Variants in OTUD7A observed in about 807,000 individuals in gnomAD.
OTUD7A encodes OTU domain-containing protein 7A.
A neutral mutation model predicts 65.7 loss-of-function variants in OTUD7A; 12 were observed. The ratio of observed to expected loss-of-function variants is 0.18; its 90% CI spans 0.12 to 0.30. The LOEUF (loss-of-function observed/expected upper bound fraction) is 0.30, where lower values mean the gene tolerates loss of function less well. OTUD7A is among the 10% of genes least tolerant of loss of function. The pLI is 1.00. For synonymous variants in OTUD7A, 641 were observed against 586.3 expected (o/e 1.09, Z -1.35); for missense variants, 1,148 against 1,304.8 (o/e 0.88, Z 1.85).
In OTUD7A at chr15:31,626,916, G is replaced by GGT. The variant is rs71113404; in HGVS notation, c.151+28179_151+28180insAC. On this transcript the variant is annotated intron_variant, in intron 3 of 12. Transcript: ENST00000307050. The stretch of plus-strand genomic sequence containing the variant: ...TTTGTTTTGTTTTTTTGTTTTTATG[G>GGT]TTTCTTTTTTACACCTTAAAGATTA... Among the ~76,000 whole-genome samples, 222 of 146,788 alleles carry GGT rather than the reference G, an allele frequency of 1.5e-3. 1 individual carries two copies. Among genetic ancestry groups the GGT allele is most frequent in the African/African-American group, 4.5e-3 (177 of 39,074 alleles).
At chr15:31,625,229 A>G (rs139768964) in intron 3 of OTUD7A, among the ~76,000 whole-genome samples, 220 of 152,304 alleles carry the variant, frequency 1.4e-3, no homozygotes, top group African/African-American at 5.0e-3. Context: ...AGCCCCAGCT[A>G]GACTGTAGCC....
chr15:31,551,343 C>A (rs943830748), intron 5 of OTUD7A, among the ~76,000 whole-genome samples: 1 of 152,212 alleles, frequency 6.6e-6, no homozygotes, highest in Non-Finnish European at 1.5e-5. Context: ...CTATTCCTGG[C>A]TTTGACAGAG....
At chr15:31,743,006 T>G (rs1894384140) in intron 1 of OTUD7A, among the ~76,000 whole-genome samples, 1 of 152,100 alleles carries the variant, frequency 6.6e-6, no homozygotes, top group African/African-American at 2.4e-5. Flanking sequence ...ATAACCATAG[T>G]GGATGATTTT....
intron 12 of OTUD7A, among the ~76,000 whole-genome samples, chr15:31,485,346 G>C (rs536329770): frequency 6.6e-6 from 1 of 152,220 alleles, no homozygotes; most frequent in African/African-American, 2.4e-5. Flanking sequence ...TTGATTCAGG[G>C]ATGCCAAATC....
At chr15:31,796,165 GTATC>G (rs1201230960) in intron 1 of OTUD7A, among the ~76,000 whole-genome samples, 26 of 148,012 alleles carry the variant, frequency 1.8e-4, no homozygotes, top group Non-Finnish European at 3.0e-5. Flanking sequence ...GTGTGTGTGT[GTATC>G]TATGTATGTA....
rs1410986717 is a variant in OTUD7A, at chr15:31,498,995, G to A, written c.1171+2695C>T. ...CGGCATCAGCAGTAGCCGGGCCACG[G>A]CAGTAGCACCTATAAGAGGGGGCTT... On this transcript the variant is annotated intron_variant, in intron 10 of 12. Transcript: ENST00000307050. This position sits in a 1 kb window ranked among gnomAD's most constrained non-coding sequence, Gnocchi z 4.2. 1.3e-5 allele frequency among the ~76,000 whole-genome samples: 2 copies of A among 152,140 alleles called. No individual in the cohort carries two copies. Among genetic ancestry groups the A allele is most frequent in the African/African-American group, 4.8e-5 (2 of 41,432 alleles).
chr15:31,539,298 A>G (rs34152648), intron 5 of OTUD7A, among the ~76,000 whole-genome samples: 1,769 of 152,164 alleles, frequency 0.012, 12 homozygotes, highest in Non-Finnish European at 0.018. Context: ...CTATCCCTAC[A>G]GACTGTGCAG....
chr15:31,539,920 T>C (rs560915362), intron 5 of OTUD7A, among the ~76,000 whole-genome samples: 3 of 152,230 alleles, frequency 2.0e-5, no homozygotes, highest in South Asian at 2.1e-4. Context: ...GTTTACTCTA[T>C]AGTCTTACAA....
intron 1 of OTUD7A, among the ~76,000 whole-genome samples, chr15:31,813,105 A>C (rs7173003): frequency 0.023 from 3,451 of 152,324 alleles, 135 homozygotes; most frequent in African/African-American, 0.079. Flanking sequence ...GGAGCCCGGG[A>C]ATTGCTGGTA....
chr15:31,698,669 C>T (rs957290706), intron 1 of OTUD7A, among the ~76,000 whole-genome samples: 1 of 150,572 alleles, frequency 6.6e-6, no homozygotes, highest in Non-Finnish European at 1.5e-5. Context: ...CTCAGGAGCA[C>T]ATTTGTTCTC....
intron 1 of OTUD7A, among the ~76,000 whole-genome samples, chr15:31,709,137 C>T (rs968559754): frequency 2.0e-5 from 3 of 151,550 alleles, no homozygotes; most frequent in Non-Finnish European, 4.4e-5. Flanking sequence ...TGTGTGCGCT[C>T]CTGCAGAGGG....
intron 3 of OTUD7A, among the ~76,000 whole-genome samples, chr15:31,571,028 G>A (rs1165175479): frequency 6.6e-6 from 1 of 152,144 alleles, no homozygotes; most frequent in South Asian, 2.1e-4. Flanking sequence ...TAGAAATGTA[G>A]ATTTGGAATG....
chr15:31,836,335 T>C (rs1897054671), intron 1 of OTUD7A, among the ~76,000 whole-genome samples: 1 of 152,226 alleles, frequency 6.6e-6, no homozygotes, highest in South Asian at 2.1e-4. Context: ...GGTACTTGTA[T>C]AACTTAATCA....
intron 3 of OTUD7A, among the ~76,000 whole-genome samples, chr15:31,611,327 G>GAAAC (rs924438812): frequency 2.6e-5 from 4 of 152,078 alleles, no homozygotes; most frequent in African/African-American, 4.8e-5. Context: ...AAATGAAGCT[G>GAAAC]AAACAAACAA....
Position 31,727,828 on chromosome 15 carries a change from C to T in OTUD7A, c.-99-70751G>A, listed in dbSNP as rs577863493. ...CTGGCTCTCCTGTTTCATCTGAGTA[C>T]TTCTCAGCCGCCCCTTCTGACTCTT... On this transcript the variant is annotated intron_variant, in intron 1 of 12. Coordinates refer to ENST00000307050, the MANE Select transcript of OTUD7A (RefSeq NM_001382637.1). 5.3e-5 allele frequency among the ~76,000 whole-genome samples: 8 copies of T among 152,282 alleles called. No individual in the cohort carries two copies. The East Asian group carries it at 1.5e-3, about 29-fold the overall frequency.
intron 1 of OTUD7A, among the ~76,000 whole-genome samples, chr15:31,802,685 G>A (rs938427688): frequency 2.0e-5 from 3 of 152,218 alleles, no homozygotes; most frequent in Admixed American, 2.0e-4. Context: ...GTGGGATTAA[G>A]AACGCTTTGA....
At chr15:31,590,184 T>G (rs1047806054) in intron 3 of OTUD7A, among the ~76,000 whole-genome samples, 2 of 152,354 alleles carry the variant, frequency 1.3e-5, no homozygotes, top group South Asian at 4.1e-4. Flanking sequence ...TGTTTAGATA[T>G]ACAAATACTC....
intron 1 of OTUD7A, among the ~76,000 whole-genome samples, chr15:31,730,378 C>G (rs1488355734): frequency 6.6e-6 from 1 of 152,222 alleles, no homozygotes; most frequent in East Asian, 1.9e-4. Context: ...TTCTCCATAA[C>G]TACCTTTAAT....
intron 1 of OTUD7A, among the ~76,000 whole-genome samples, chr15:31,683,614 A>C (rs1339049581): frequency 6.6e-6 from 1 of 152,222 alleles, no homozygotes; most frequent in African/African-American, 2.4e-5. Context: ...CAAAAAAAGG[A>C]TAGGTACCTC....
Sources: allele counts gnomAD v4.1 joint callset (sites outside exome capture counted in the v4.1 genomes callset), GRCh38; gene constraint gnomAD v4.1.1; non-coding constraint Gnocchi (gnomAD v3.1); transcripts MANE v1.5; gene names NCBI Gene and HGNC (gene_info 2026-07-23, HGNC 2026-07-21).